The following KLF12 variants were observed in gnomAD, a reference collection of about 807,000 sequenced individuals.
The protein encoded by KLF12 is Krueppel-like factor 12.
KLF12 carries 9 observed loss-of-function variants against 37.8 expected under a neutral mutation model. The ratio of observed to expected loss-of-function variants is 0.24; its 90% CI spans 0.14 to 0.42. KLF12 has a LOEUF of 0.42. KLF12 is among the 10% of genes least tolerant of loss of function. KLF12 has a pLI of 1.00. For missense variants in KLF12, 411 were observed against 516.0 expected (o/e 0.80, Z 1.97); for synonymous variants, 208 against 202.1 (o/e 1.03, Z -0.25).
chr13:74,127,603 T>C (rs1878014420), intron 1 of KLF12, among the ~76,000 whole-genome samples: 2 of 152,192 alleles, frequency 1.3e-5, no homozygotes, highest in Admixed American at 6.5e-5. Context: ...GAAGAGATAG[T>C]TTGAGTTTGT....
chr13:73,776,539 T>C (rs1030187391), intron 5 of KLF12, among the ~76,000 whole-genome samples: 2 of 152,152 alleles, frequency 1.3e-5, no homozygotes, highest in East Asian at 1.9e-4. Context: ...GCACCCACCA[T>C]ACAAGCACTT....
At chr13:73,864,410 T>C (rs1383464531) in intron 3 of KLF12, among the ~76,000 whole-genome samples, 1 of 152,014 alleles carries the variant, frequency 6.6e-6, no homozygotes, top group Non-Finnish European at 1.5e-5. Flanking sequence ...ACATAAGCAA[T>C]ATGATTGGAA....
intron 1 of KLF12, among the ~76,000 whole-genome samples, chr13:74,067,019 A>T (rs1204056140): frequency 6.6e-6 from 1 of 152,196 alleles, no homozygotes; most frequent in Non-Finnish European, 1.5e-5. Context: ...GTGGACAGGG[A>T]CACACATAGC....
chr13:74,267,875 T>TA, the KLF12 span, among the ~76,000 whole-genome samples: 3 of 152,044 alleles, frequency 2.0e-5, no homozygotes, highest in African/African-American at 7.2e-5. Context: ...ATTAATTTTT[T>TA]AAAAAAGAGG....
intron 3 of KLF12, among the ~76,000 whole-genome samples, chr13:73,889,013 T>A (rs1274712097): frequency 1.3e-5 from 2 of 152,170 alleles, no homozygotes; most frequent in African/African-American, 4.8e-5. Flanking sequence ...GCTAATGGGA[T>A]TTTACAGATT....
chr13:73,781,734 A>C (rs1880978299), intron 5 of KLF12, among the ~76,000 whole-genome samples: 1 of 152,236 alleles, frequency 6.6e-6, no homozygotes, highest in Non-Finnish European at 1.5e-5. Context: ...AATAAGAATA[A>C]ACCTAGAGCC....
At position 74,065,996 on chromosome 13, in the gene KLF12, G is replaced by A. The variant is rs75795891; in HGVS notation, c.-32+67743C>T. ...GTACATAGAAGACATTCCTGGGGAC[G>A]CGGACATAAAAAGATTAGGGAGACT... On this transcript the variant is annotated intron_variant, in intron 1 of 7. Coordinates refer to ENST00000377669, the MANE Select transcript of KLF12 (RefSeq NM_007249.5). 3.3e-3 allele frequency among the ~76,000 whole-genome samples: 504 copies of A among 152,178 alleles called. 2 individuals are homozygous for A. The highest frequency in any genetic ancestry group is 9.0e-3 in the African/African-American group (374 of 41,528).
At chr13:74,128,081 T>C (rs544308096) in intron 1 of KLF12, among the ~76,000 whole-genome samples, 1 of 152,324 alleles carries the variant, frequency 6.6e-6, no homozygotes, top group East Asian at 1.9e-4. Flanking sequence ...TAAATGATCA[T>C]GTGAACTGTA....
intron 2 of KLF12, among the ~76,000 whole-genome samples, chr13:73,980,411 C>T (rs746959317): frequency 2.1e-4 from 32 of 152,062 alleles, no homozygotes; most frequent in Non-Finnish European, 4.0e-4. Context: ...TACAGCCAAT[C>T]TCACTTATGA....
chr13:73,979,354 A>AACACACAC (rs71115629), intron 2 of KLF12, among the ~76,000 whole-genome samples: 4,062 of 139,616 alleles, frequency 0.029, 100 homozygotes, highest in African/African-American at 0.065. Flanking sequence ...TCTGCTTTTA[A>AACACACAC]ACACACACAC....
At chr13:73,731,737 T>C (rs766028160) in intron 6 of KLF12, among the ~76,000 whole-genome samples, 6 of 152,032 alleles carry the variant, frequency 3.9e-5, no homozygotes, top group Non-Finnish European at 8.8e-5. Context: ...GAAGGACAAA[T>C]GGATGAAAGA....
the KLF12 span, among the ~76,000 whole-genome samples, chr13:74,296,548 A>G: frequency 2.6e-5 from 4 of 152,200 alleles, no homozygotes; most frequent in Non-Finnish European, 5.9e-5. Flanking sequence ...TGAACTGTAA[A>G]ATTCTAAAAT....
intron 4 of KLF12, among the ~76,000 whole-genome samples, chr13:73,824,170 G>A (rs1021246162): frequency 2.6e-5 from 4 of 151,514 alleles, no homozygotes; most frequent in South Asian, 4.2e-4. Flanking sequence ...TCATTTGATC[G>A]GTTGATAAAC....
intron 1 of KLF12, among the ~76,000 whole-genome samples, chr13:74,075,420 T>C (rs910636080): frequency 2.6e-5 from 4 of 152,182 alleles, no homozygotes; most frequent in African/African-American, 7.2e-5. Flanking sequence ...ATCAGAATCA[T>C]ACAGGAAACT....
chr13:74,242,313 A>G, the KLF12 span, among the ~76,000 whole-genome samples: 2 of 152,244 alleles, frequency 1.3e-5, no homozygotes, highest in African/African-American at 4.8e-5. Flanking sequence ...AAAGAGGTTT[A>G]ATGGACTCAC....
intron 1 of KLF12, among the ~76,000 whole-genome samples, chr13:73,997,955 G>A (rs1892166154): frequency 6.6e-6 from 1 of 152,176 alleles, no homozygotes; most frequent in South Asian, 2.1e-4. Context: ...CATGGTTTTA[G>A]AGGAGAGACT....
At chr13:74,285,328 A>G in the KLF12 span, among the ~76,000 whole-genome samples, 1 of 152,204 alleles carries the variant, frequency 6.6e-6, no homozygotes, top group Non-Finnish European at 1.5e-5. Context: ...CTGGCGTTAA[A>G]ACAATATTAG....
At chr13:73,925,159 T>C (rs1459238245) in intron 3 of KLF12, among the ~76,000 whole-genome samples, 1 of 152,214 alleles carries the variant, frequency 6.6e-6, no homozygotes, top group African/African-American at 2.4e-5. Flanking sequence ...AAGTTGAGAA[T>C]ATACATTAAA....
At chr13:73,929,682 A>G (rs1007079252) in intron 3 of KLF12, among the ~76,000 whole-genome samples, 11 of 152,184 alleles carry the variant, frequency 7.2e-5, no homozygotes, top group African/African-American at 2.7e-4. Flanking sequence ...TGCTCCAGTA[A>G]AAATACCACT....
Sources: gnomAD v4.1 joint callset for allele counts (sites outside exome capture counted in the v4.1 genomes callset) on GRCh38, gnomAD v4.1.1 for gene constraint, MANE v1.5 for transcripts, NCBI Gene and HGNC (gene_info 2026-07-23, HGNC 2026-07-21) for gene names.